Variants in REPS2 observed in about 807,000 individuals in gnomAD.
REPS2 encodes the protein RALBP1 associated Eps domain containing 2.
A neutral mutation model predicts 53.6 loss-of-function variants in REPS2; 23 were observed. The observed-to-expected ratio is 0.43, with a 90% confidence interval of 0.31 to 0.61. The LOEUF is 0.61. Ranked by LOEUF, REPS2 falls within the 20% of genes least tolerant of loss-of-function variation. The pLI, the probability that REPS2 is intolerant of heterozygous loss-of-function variation, is 0.11. For missense variants in REPS2, 446 were observed against 534.9 expected, an observed-to-expected ratio of 0.83 and a Z score of 1.64; for synonymous variants, 238 against 218.6, an observed-to-expected ratio of 1.09 and a Z score of -0.78.
At chrX:17,051,909 G>C (rs781478089) in intron 6 of REPS2, among the ~76,000 whole-genome samples, 1 of 111,959 alleles carries the variant, frequency 8.9e-6, no homozygotes, top group East Asian at 2.8e-4. Flanking sequence ...ATGCCACTAG[G>C]AATTCTTAAA....
At position 17,102,063 on chromosome X, in the gene REPS2, GTTATGTTATGTTATGTTATT is replaced by G. The variant is rs1286635529; in HGVS notation, c.1517-1650_1517-1631del. On this transcript the variant is annotated intron_variant, in intron 13 of 17. Transcript: ENST00000357277. ...GTTATGTTATGTTATGTTATGTTAT[GTTATGTTATGTTATGTTATT>G]TTATTTTATTTATGAATGAGACAGG... Among the ~76,000 whole-genome samples, 162 of 86,463 alleles carry G rather than the reference GTTATGTTATGTTATGTTATT, an allele frequency of 1.9e-3. 2 individuals are homozygous for G. Among genetic ancestry groups the G allele is most frequent in the African/African-American group, 3.7e-3 (79 of 21,636 alleles). The allele number at this position is 86,463 out of a possible 115,157, so 75.1% of individuals were successfully genotyped here. A position where few individuals can be genotyped will look rare whatever the true frequency, so the allele number is the denominator to read the frequency against.
chrX:16,975,489 A>G (rs771260194), intron 1 of REPS2, among the ~76,000 whole-genome samples: 3 of 109,874 alleles, frequency 2.7e-5, no homozygotes, highest in African/African-American at 1.0e-4. Flanking sequence ...TTTTTTTTTC[A>G]TCTGCTCGTT....
intron 13 of REPS2, among the ~76,000 whole-genome samples, chrX:17,078,729 A>T (rs1602946597): frequency 1.8e-5 from 2 of 112,400 alleles, no homozygotes; most frequent in Non-Finnish European, 3.8e-5. Flanking sequence ...GGTCTCTCTC[A>T]GGTTGTGTGA....
At position 17,150,243 on chromosome X, in the gene REPS2, T is replaced by A. The variant is rs765248366; in HGVS notation, c.*2762T>A. 8.9e-6 allele frequency: 1 copy of A among 112,590 alleles called. No individual in the cohort carries two copies. The highest frequency in any genetic ancestry group is 1.9e-5 in the Non-Finnish European group (1 of 53,327). The allele number at this position is 112,590 out of a possible 1,213,427, so 9.3% of individuals were successfully genotyped here. On this transcript the variant is annotated 3_prime_UTR_variant, in exon 18 of 18. Coordinates refer to ENST00000357277, the MANE Select transcript of REPS2 (RefSeq NM_004726.3). ...GATGGCCGAATTACTGAAATCACCATTATACCTCTTCCATAAAACGACTCC... is the reference window on the plus strand; with the variant it reads ...GATGGCCGAATTACTGAAATCACCAATATACCTCTTCCATAAAACGACTCC...
intron 13 of REPS2, among the ~76,000 whole-genome samples, chrX:17,080,133 CA>C (rs1360491200): frequency 2.7e-5 from 3 of 111,172 alleles, no homozygotes; most frequent in Non-Finnish European, 5.7e-5. Flanking sequence ...TAGAGGATTG[CA>C]CCGTTCCCTT....
downstream of REPS2, among the ~76,000 whole-genome samples, chrX:17,154,416 C>T (rs1327110797): frequency 1.8e-5 from 2 of 112,350 alleles, no homozygotes; most frequent in Non-Finnish European, 3.8e-5. Flanking sequence ...AGCCCACAGT[C>T]CAGTGAGACA....
At chrX:16,959,400 T>C (rs1309332541) in intron 1 of REPS2, among the ~76,000 whole-genome samples, 2 of 112,317 alleles carry the variant, frequency 1.8e-5, no homozygotes, top group Non-Finnish European at 1.9e-5. Context: ...CCCAGTCTGT[T>C]TGTATACTTT....
In REPS2 at chrX:17,025,252, G is replaced by T. The variant is rs2061629338; in HGVS notation, c.673+67G>T. 9 of 1,060,110 alleles carry T rather than the reference G, an allele frequency of 8.5e-6. No homozygotes were observed. The Admixed American group carries it at 1.6e-4, about 19-fold the overall frequency. The allele number at this position is 1,060,110 out of a possible 1,213,427, so 87.4% of individuals were successfully genotyped here. Reference sequence around the variant, plus strand: ...TAGAGACTCCTTAATTTACCAGGCGGTAACGCTTCAAGCTGCTTAATTTCC... The same window carrying T: ...TAGAGACTCCTTAATTTACCAGGCGTTAACGCTTCAAGCTGCTTAATTTCC... On this transcript the variant is annotated intron_variant, in intron 4 of 17. Transcript: ENST00000357277.
At chrX:17,047,290 C>T in intron 5 of REPS2, 57 bp from the exon 6 acceptor site, 1 of 1,153,369 alleles carries the variant, frequency 8.7e-7, no homozygotes. Flanking sequence ...TTTAATTTTT[C>T]TACTTCTCAC....
At chrX:17,060,670 G>C (rs1007162368) in intron 8 of REPS2, among the ~76,000 whole-genome samples, 1 of 111,281 alleles carries the variant, frequency 9.0e-6, no homozygotes, top group African/African-American at 3.3e-5. Flanking sequence ...GGTATGCTGG[G>C]GAGGCTCTGA....
the REPS2 span, among the ~76,000 whole-genome samples, chrX:17,170,954 A>G: frequency 8.9e-6 from 1 of 112,897 alleles, no homozygotes; most frequent in Non-Finnish European, 1.9e-5. Context: ...GCCAGACTCC[A>G]AAGGCCAGGT....
chrX:16,994,583 A>C (rs755143381), intron 1 of REPS2, among the ~76,000 whole-genome samples: 20 of 111,468 alleles, frequency 1.8e-4, no homozygotes, highest in Admixed American at 1.7e-3. Flanking sequence ...CGAACGTTGT[A>C]TTTTCTCACT....
chrX:16,968,832 C>G (rs1402186034), intron 1 of REPS2, among the ~76,000 whole-genome samples: 9 of 108,316 alleles, frequency 8.3e-5, no homozygotes, highest in Non-Finnish European at 7.7e-5. Context: ...GGCTGACCCC[C>G]CCACCTCCCT....
intron 13 of REPS2, among the ~76,000 whole-genome samples, chrX:17,081,011 G>A (rs1010415830): frequency 9.0e-6 from 1 of 110,767 alleles, no homozygotes; most frequent in African/African-American, 3.3e-5. Flanking sequence ...CCCTCCTTCT[G>A]CCAACTTTAT....
chrX:17,037,913 C>T (rs959558026), intron 5 of REPS2, among the ~76,000 whole-genome samples: 1 of 111,696 alleles, frequency 9.0e-6, no homozygotes, highest in Non-Finnish European at 1.9e-5. Flanking sequence ...AGTGTCATGC[C>T]CCCCCAGTTG....
chrX:17,067,550 G>A (rs1055287689), intron 9 of REPS2, among the ~76,000 whole-genome samples: 41 of 111,843 alleles, frequency 3.7e-4, no homozygotes, highest in African/African-American at 1.1e-3. Flanking sequence ...GATTTTAAAC[G>A]GTTTAAAACT....
chrX:16,968,718 C>T (rs1384751983), intron 1 of REPS2, among the ~76,000 whole-genome samples: 19 of 92,351 alleles, frequency 2.1e-4, no homozygotes, highest in Middle Eastern at 6.6e-3. Flanking sequence ...ACCTCCCTCC[C>T]GGACGGGGCG....
At chrX:16,972,694 C>A (rs1219666044) in intron 1 of REPS2, among the ~76,000 whole-genome samples, 2 of 111,378 alleles carry the variant, frequency 1.8e-5, no homozygotes, top group Non-Finnish European at 3.8e-5. Context: ...TAAAAACAAG[C>A]CAGGTATTAT....
chrX:17,115,861 T>C (rs999584360), intron 14 of REPS2, among the ~76,000 whole-genome samples: 6 of 111,667 alleles, frequency 5.4e-5, no homozygotes, highest in Non-Finnish European at 9.4e-5. Context: ...GGTTATAGAT[T>C]AACAGCATCT....
Sources: allele counts gnomAD v4.1 joint callset (sites outside exome capture counted in the v4.1 genomes callset), GRCh38; gene constraint gnomAD v4.1.1; transcripts MANE v1.5; gene names NCBI Gene and HGNC (gene_info 2026-07-23, HGNC 2026-07-21).